Variants in GRID2 observed in about 807,000 individuals in gnomAD.
GRID2 encodes the protein glutamate receptor ionotropic, delta-2.
A neutral mutation model predicts 114.8 loss-of-function variants in GRID2; 33 were observed. The ratio of observed to expected loss-of-function variants is 0.29; its 90% CI spans 0.22 to 0.38. The LOEUF (loss-of-function observed/expected upper bound fraction) is 0.38. Ranked by LOEUF, GRID2 falls within the 10% of genes least tolerant of loss-of-function variation. The pLI is 1.00. For synonymous variants in GRID2, 505 were observed against 449.9 expected (o/e 1.12, Z -1.55); for missense variants, 1,184 against 1,257.7 (o/e 0.94, Z 0.89).
chr4:92,815,131 G>A (rs1740830362), intron 2 of GRID2, among the ~76,000 whole-genome samples: 1 of 151,898 alleles, frequency 6.6e-6, no homozygotes, highest in Non-Finnish European at 1.5e-5. Context: ...CTTTCCTTTT[G>A]TGCCCAGGAT....
At chr4:92,590,385 T>A in intron 2 of GRID2, 99 bp downstream of exon 2, 1 of 831,762 alleles carries the variant, frequency 1.2e-6, no homozygotes, top group Admixed American at 2.3e-5. Context: ...CATTTTTGTA[T>A]CTTGTTGATA....
intron 5 of GRID2, among the ~76,000 whole-genome samples, chr4:93,208,670 C>T (rs1046556316): frequency 6.6e-6 from 1 of 151,934 alleles, no homozygotes; most frequent in Non-Finnish European, 1.5e-5. Context: ...TGGAATGATC[C>T]TTTTTATTTC....
At chr4:93,483,237 T>C (rs1192469704) in intron 11 of GRID2, among the ~76,000 whole-genome samples, 1 of 152,020 alleles carries the variant, frequency 6.6e-6, no homozygotes, top group African/African-American at 2.4e-5. Flanking sequence ...TCAGCTTACA[T>C]GAACTATTCA....
intron 1 of GRID2, among the ~76,000 whole-genome samples, chr4:92,389,496 A>T (rs1001051051): frequency 6.6e-6 from 1 of 150,382 alleles, no homozygotes; most frequent in Non-Finnish European, 1.5e-5. Context: ...TCAGCTCCAC[A>T]GTTAAAAGGA....
At chr4:93,776,577 G>T (rs114116477), downstream of GRID2, among the ~76,000 whole-genome samples, 1 of 152,238 alleles carries the variant, frequency 6.6e-6, no homozygotes, top group African/African-American at 2.4e-5. Context: ...CAACATGCAG[G>T]ATACGGAGGC....
chr4:92,552,681 A>G (rs1327567000), intron 1 of GRID2, among the ~76,000 whole-genome samples: 2 of 152,196 alleles, frequency 1.3e-5, no homozygotes, highest in Non-Finnish European at 2.9e-5. Flanking sequence ...GAAAAGATGA[A>G]GGGTTATGTC....
At position 92,440,252 on chromosome 4, in the gene GRID2, G is replaced by C. The variant is rs13125995; in HGVS notation, c.88+135508G>C. Among the ~76,000 whole-genome samples, 223 of 146,302 alleles carry C rather than the reference G, an allele frequency of 1.5e-3. 37 individuals are homozygous for C. Among genetic ancestry groups the C allele is most frequent in the Non-Finnish European group, 2.9e-3 (188 of 64,658 alleles). On this transcript the variant is annotated intron_variant, in intron 1 of 15. Transcript: ENST00000282020. ...ATATAAAGGTTTCACTGAATACTAA[G>C]AGCCTGAAAAACTGCTTGGCTGATT...
At chr4:92,390,593 G>C (rs981186209) in intron 1 of GRID2, among the ~76,000 whole-genome samples, 2 of 152,028 alleles carry the variant, frequency 1.3e-5, no homozygotes, top group Non-Finnish European at 2.9e-5. Flanking sequence ...ATTTTGAGTA[G>C]GAAAGTTTTC....
chr4:92,464,758 AAGAT>A (rs1423510964), intron 1 of GRID2, among the ~76,000 whole-genome samples: 1 of 152,160 alleles, frequency 6.6e-6, no homozygotes, highest in Non-Finnish European at 1.5e-5. Flanking sequence ...GGATTTATAA[AAGAT>A]AGCAATTATA....
intron 2 of GRID2, among the ~76,000 whole-genome samples, chr4:92,832,098 G>T (rs989407943): frequency 1.3e-5 from 2 of 151,676 alleles, no homozygotes; most frequent in Non-Finnish European, 2.9e-5. Flanking sequence ...AAGGTATTAA[G>T]AGAATACAAA....
At chr4:92,770,290 T>C (rs1282417717) in intron 2 of GRID2, among the ~76,000 whole-genome samples, 4 of 152,198 alleles carry the variant, frequency 2.6e-5, no homozygotes, top group African/African-American at 9.6e-5. Context: ...CTGGATCTTA[T>C]TGTTCATATC....
At chr4:92,755,913 G>T (rs1197552436) in intron 2 of GRID2, among the ~76,000 whole-genome samples, 1 of 152,078 alleles carries the variant, frequency 6.6e-6, no homozygotes, top group African/African-American at 2.4e-5. Context: ...ATCAAGTCAG[G>T]GTAGCTAAGA....
chr4:92,493,480 C>A (rs1723245025), intron 1 of GRID2, among the ~76,000 whole-genome samples: 1 of 152,292 alleles, frequency 6.6e-6, no homozygotes, highest in Non-Finnish European at 1.5e-5. Context: ...TGAATGAAAT[C>A]TTTCTGAGAC....
At chr4:93,135,239 G>T (rs1420196829) in intron 4 of GRID2, among the ~76,000 whole-genome samples, 1 of 152,092 alleles carries the variant, frequency 6.6e-6, no homozygotes, top group Non-Finnish European at 1.5e-5. Flanking sequence ...GAGGCTTTGG[G>T]TTCAGTCTCC....
rs1361427650 is a variant in GRID2 at position 93,448,913 on chromosome 4, C to G, written c.1546-6749C>G. ...CCTTCCCTTCCCCTTCCCTTCCCTT[C>G]CCTTCCCCTTCCCTTCCCCTTCCCC... is the stretch of plus-strand genomic sequence containing the variant. On this transcript the variant is annotated intron_variant, in intron 10 of 15. Coordinates refer to ENST00000282020, the MANE Select transcript of GRID2 (RefSeq NM_001510.4). 1.5e-4 allele frequency among the ~76,000 whole-genome samples: 13 copies of G among 85,930 alleles called. No homozygotes were observed. In the East Asian group the frequency reaches 5.6e-3, roughly 37 times the overall value. The allele number at this position is 85,930 out of a possible 152,430, so 56.4% of individuals were successfully genotyped here.
At chr4:92,990,677 AC>A (rs985668121) in intron 2 of GRID2, among the ~76,000 whole-genome samples, 25 of 151,964 alleles carry the variant, frequency 1.6e-4, no homozygotes, top group African/African-American at 5.3e-4. Flanking sequence ...CAAATATTAT[AC>A]CCTGTATCAT....
At chr4:92,754,573 AATT>A (rs1737618067) in intron 2 of GRID2, among the ~76,000 whole-genome samples, 1 of 152,146 alleles carries the variant, frequency 6.6e-6, no homozygotes, top group African/African-American at 2.4e-5. Context: ...GGATTAAATG[AATT>A]ATTATAATTA....
At chr4:93,083,335 T>C (rs11936859) in intron 2 of GRID2, among the ~76,000 whole-genome samples, 13 of 152,104 alleles carry the variant, frequency 8.5e-5, no homozygotes, top group Non-Finnish European at 1.9e-4. Context: ...GAAAATTGAA[T>C]TCATGAACAT....
chr4:93,224,509 G>C (rs1745262562), intron 6 of GRID2, 105 bp from the exon 7 acceptor site: 1 of 678,754 alleles, frequency 1.5e-6, no homozygotes, highest in Non-Finnish European at 2.5e-6. Flanking sequence ...CAGTAAACCA[G>C]CCATGTATGA....
Sources: gnomAD v4.1 joint callset for allele counts (sites outside exome capture counted in the v4.1 genomes callset) on GRCh38, gnomAD v4.1.1 for gene constraint, MANE v1.5 for transcripts, NCBI Gene and HGNC (gene_info 2026-07-23, HGNC 2026-07-21) for gene names.